PPP1R9A: variants seen among roughly 807,000 people sequenced by gnomAD.
PPP1R9A encodes neurabin-1.
In PPP1R9A, 59 loss-of-function variants were observed where a neutral mutation model predicts 141.9. The observed-to-expected ratio is 0.42, with a 90% confidence interval of 0.34 to 0.52. PPP1R9A has a LOEUF of 0.52. PPP1R9A is among the 20% of genes least tolerant of loss of function. PPP1R9A has a pLI of 0.10. For synonymous variants in PPP1R9A, 500 were observed against 569.7 expected (o/e 0.88, Z 1.74); for missense variants, 1,444 against 1,611.9 (o/e 0.90, Z 1.78).
intron 2 of PPP1R9A, among the ~76,000 whole-genome samples, chr7:94,966,469 T>C (rs1798230931): frequency 6.6e-6 from 1 of 152,240 alleles, no homozygotes; most frequent in Non-Finnish European, 1.5e-5. Flanking sequence ...TAAAAAACTC[T>C]TCTTATTTTG....
chr7:95,184,093 TTTAACTC>T (rs1330697512), intron 5 of PPP1R9A, among the ~76,000 whole-genome samples: 2 of 152,198 alleles, frequency 1.3e-5, no homozygotes, highest in African/African-American at 2.4e-5. Flanking sequence ...GTCTAGGACT[TTTAACTC>T]TTAACTACTG....
At chr7:95,216,639 C>T (rs1224051772) in intron 7 of PPP1R9A, among the ~76,000 whole-genome samples, 7 of 152,128 alleles carry the variant, frequency 4.6e-5, no homozygotes, top group East Asian at 1.9e-4. Context: ...TCTTTTATTT[C>T]GTTGAGCAGT....
Position 95,198,365 on chromosome 7 carries a change from GA to G in PPP1R9A, c.1776del (p.Lys592AsnfsTer5). On this transcript the variant is annotated frameshift_variant, in exon 6 of 20. Coordinates refer to ENST00000433360, the MANE Select transcript of PPP1R9A (RefSeq NM_001166160.2). LOFTEE classifies it high-confidence loss of function. ...TTTCCACAGATTTGTTATTGGGCGG[GA>G]AAAACCAGGACAAGTGAGCGAGGTT... ...KGNVRFVIGR[E>X]KPGQVSEVAQ... is the part of the protein sequence containing the mutation. The G allele has an allele frequency of 6.2e-7, 1 of 1,607,864 alleles. No individual in the cohort carries two copies.
chr7:94,955,056 A>G (rs1363484786), intron 2 of PPP1R9A, among the ~76,000 whole-genome samples: 2 of 152,118 alleles, frequency 1.3e-5, no homozygotes, highest in Non-Finnish European at 2.9e-5. Context: ...ACTGTCATTA[A>G]TACAATTATT....
chr7:95,052,637 T>C (rs1810977579), intron 2 of PPP1R9A, among the ~76,000 whole-genome samples: 1 of 152,186 alleles, frequency 6.6e-6, no homozygotes. Flanking sequence ...TCATACAATT[T>C]TATAATGTTA....
intron 18 of PPP1R9A, among the ~76,000 whole-genome samples, chr7:95,288,269 C>T (rs528140900): frequency 7.9e-5 from 12 of 152,220 alleles, no homozygotes. Flanking sequence ...GATGTAAAAG[C>T]TTGCAACATT....
At chr7:95,207,713 T>C (rs919128687) in intron 7 of PPP1R9A, among the ~76,000 whole-genome samples, 2 of 152,158 alleles carry the variant, frequency 1.3e-5, no homozygotes, top group African/African-American at 4.8e-5. Context: ...AGATTGTCTA[T>C]TTAAAAAATC....
At chr7:95,107,482 A>C (rs909249025) in intron 2 of PPP1R9A, among the ~76,000 whole-genome samples, 1 of 151,956 alleles carries the variant, frequency 6.6e-6, no homozygotes, top group African/African-American at 2.4e-5. Context: ...CATTGTCCCA[A>C]ATTTTCTTTT....
chr7:95,201,566 T>C (rs1789572471), intron 6 of PPP1R9A, among the ~76,000 whole-genome samples: 1 of 152,206 alleles, frequency 6.6e-6, no homozygotes, highest in African/African-American at 2.4e-5. Flanking sequence ...ATTTGAGTGC[T>C]TTTTCCCTAT....
At chr7:94,968,250 G>T (rs1422754682) in intron 2 of PPP1R9A, among the ~76,000 whole-genome samples, 1 of 151,580 alleles carries the variant, frequency 6.6e-6, no homozygotes, top group Non-Finnish European at 1.5e-5. Context: ...TCGGCTCACT[G>T]CAAGCTCCGC....
chr7:95,031,763 CAAAAAAA>C (rs778376536), intron 2 of PPP1R9A, among the ~76,000 whole-genome samples: 1 of 70,170 alleles, frequency 1.4e-5, no homozygotes, highest in South Asian at 4.5e-4. Flanking sequence ...GATTCAGTTT[CAAAAAAA>C]AAAAAAAAAG....
intron 2 of PPP1R9A, among the ~76,000 whole-genome samples, chr7:94,988,624 A>ACATTCCAC (rs1801132163): frequency 6.6e-6 from 1 of 152,066 alleles, no homozygotes; most frequent in African/African-American, 2.4e-5. Context: ...CTTAACCTTT[A>ACATTCCAC]TTGAAAACAG....
chr7:95,014,006 A>G (rs948360486), intron 2 of PPP1R9A, among the ~76,000 whole-genome samples: 2 of 152,072 alleles, frequency 1.3e-5, no homozygotes, highest in African/African-American at 4.8e-5. Flanking sequence ...TTTTTGAACT[A>G]TTTGAGATAA....
intron 2 of PPP1R9A, among the ~76,000 whole-genome samples, chr7:95,017,219 G>A (rs1805230474): frequency 6.6e-6 from 1 of 152,136 alleles, no homozygotes; most frequent in East Asian, 1.9e-4. Context: ...TTTAAACCAA[G>A]CAGTTTGTGG....
chr7:95,201,089 C>T (rs1789474889), intron 6 of PPP1R9A, among the ~76,000 whole-genome samples: 1 of 152,060 alleles, frequency 6.6e-6, no homozygotes, highest in Non-Finnish European at 1.5e-5. Context: ...ATTCTTTGTT[C>T]TGTATTTCTA....
chr7:95,247,476 C>G lies in PPP1R9A; in HGVS notation c.2116C>G (p.Gln706Glu). The stretch of plus-strand genomic sequence containing the variant: ...TTTCTTTCTTTTCAATTTTCAGTTG[C>G]AAATCAAACATGCAGTTACAGAAGC... ...SKLSHKFKEL[Q>E]IKHAVTEAEI... Residue 706 changes from glutamine (Q) to glutamate (E), a missense_variant, in exon 9 of 20, where the codon CAA becomes GAA. By Grantham distance (29) the Gln-to-Glu change is conservative. Around this residue, in one of 5 missense-constraint regions of PPP1R9A, gnomAD observed 488 missense variants for 542.0 expected, o/e 0.90. Coordinates refer to ENST00000433360, the MANE Select transcript of PPP1R9A (RefSeq NM_001166160.2). 1 of 1,604,952 alleles carries G rather than the reference C, an allele frequency of 6.2e-7. No homozygotes were observed. Among genetic ancestry groups the G allele is most frequent in the Non-Finnish European group, 8.5e-7 (1 of 1,173,954 alleles).
At chr7:95,134,512 C>T (rs1825277757) in intron 4 of PPP1R9A, among the ~76,000 whole-genome samples, 1 of 152,156 alleles carries the variant, frequency 6.6e-6, no homozygotes, top group Non-Finnish European at 1.5e-5. Flanking sequence ...TCTCGGCTCA[C>T]CACAACCTCT....
At chr7:95,092,252 A>G (rs1211356669) in intron 2 of PPP1R9A, among the ~76,000 whole-genome samples, 5 of 151,934 alleles carry the variant, frequency 3.3e-5, no homozygotes, top group African/African-American at 1.2e-4. Flanking sequence ...TTTACATTAT[A>G]TTTAGTGAGA....
intron 2 of PPP1R9A, among the ~76,000 whole-genome samples, chr7:94,967,670 C>G (rs981717735): frequency 6.6e-6 from 1 of 151,968 alleles, no homozygotes; most frequent in Non-Finnish European, 1.5e-5. Flanking sequence ...GAGTCTTGCT[C>G]TGTTGCCAGG....
Sources: allele counts gnomAD v4.1 joint callset (sites outside exome capture counted in the v4.1 genomes callset), GRCh38; gene constraint gnomAD v4.1.1; regional missense constraint gnomAD v4.1.1; transcripts MANE v1.5; gene names NCBI Gene and HGNC (gene_info 2026-07-23, HGNC 2026-07-21).